The following ELMO1 variants were observed in gnomAD, a reference collection of about 807,000 sequenced individuals.
The protein encoded by ELMO1 is engulfment and cell motility protein 1.
ELMO1 carries 26 observed loss-of-function variants against 98.9 expected under a neutral mutation model. The ratio of observed to expected loss-of-function variants is 0.26; its 90% CI spans 0.19 to 0.36. The LOEUF (loss-of-function observed/expected upper bound fraction) is 0.36, where lower values mean the gene tolerates loss of function less well. Among genes scored for constraint, ELMO1 ranks in the 10% least tolerant of loss-of-function variants. ELMO1 has a pLI of 1.00. For missense variants in ELMO1, 627 were observed against 935.2 expected (o/e 0.67, Z 4.30); for synonymous variants, 346 against 346.0 (o/e 1.00, Z 0.00).
intron 3 of ELMO1, 101 bp downstream of exon 3, chr7:37,315,819 G>T: frequency 9.5e-7 from 1 of 1,056,526 alleles, no homozygotes; most frequent in Non-Finnish European, 1.4e-6. Flanking sequence ...CAAGTCAGTG[G>T]GTGACTTATG....
Position 36,980,763 on chromosome 7 carries a change from A to G in ELMO1, c.1437+32536T>C, listed in dbSNP as rs115931101. On this transcript the variant is annotated intron_variant, in intron 16 of 21. Coordinates refer to ENST00000310758, the MANE Select transcript of ELMO1 (RefSeq NM_014800.11). ...GCATCTCTGCACTCACTGAAATCCC[A>G]AATCACTAATTTCCATTCATGACTG... Among the ~76,000 whole-genome samples, 680 of 152,322 alleles carry G rather than the reference A, an allele frequency of 4.5e-3. 4 individuals carry two copies. Among genetic ancestry groups the G allele is most frequent in the African/African-American group, 0.016 (654 of 41,580 alleles).
intron 21 of ELMO1, among the ~76,000 whole-genome samples, chr7:36,859,781 C>T (rs1802471220): frequency 6.6e-6 from 1 of 152,208 alleles, no homozygotes; most frequent in African/African-American, 2.4e-5. Context: ...GGTCGTTATA[C>T]TTACAGTTGA....
chr7:36,922,768 G>C (rs1288896621), intron 16 of ELMO1, among the ~76,000 whole-genome samples: 4 of 152,126 alleles, frequency 2.6e-5, no homozygotes, highest in Non-Finnish European at 5.9e-5. Flanking sequence ...CATCGATCAA[G>C]GCCTAAGAAC....
At chr7:37,193,540 G>C (rs553932909) in intron 13 of ELMO1, among the ~76,000 whole-genome samples, 2 of 152,274 alleles carry the variant, frequency 1.3e-5, no homozygotes, top group African/African-American at 4.8e-5. Context: ...GTCACCACTC[G>C]GGGGGCTCCC....
chr7:37,367,693 AC>A (rs1201867530), intron 1 of ELMO1, among the ~76,000 whole-genome samples: 1 of 152,148 alleles, frequency 6.6e-6, no homozygotes, highest in Admixed American at 6.5e-5. Flanking sequence ...TGGGCATAAG[AC>A]CAGCCACAGT....
At chr7:37,070,539 A>G (rs1018529208) in intron 15 of ELMO1, among the ~76,000 whole-genome samples, 4 of 152,180 alleles carry the variant, frequency 2.6e-5, no homozygotes, top group Admixed American at 6.5e-5. Flanking sequence ...TTTAAGTATC[A>G]GTCTGGGATA....
chr7:36,897,325 C>CGTGT (rs11267559), intron 16 of ELMO1, among the ~76,000 whole-genome samples: 20 of 47,000 alleles, frequency 4.3e-4, no homozygotes, highest in African/African-American at 6.3e-4. Flanking sequence ...AGAAAACAGA[C>CGTGT]GTGTGTGTGT....
chr7:37,205,949 C>G (rs1792591052), intron 13 of ELMO1, among the ~76,000 whole-genome samples: 1 of 152,176 alleles, frequency 6.6e-6, no homozygotes, highest in Non-Finnish European at 1.5e-5. Context: ...CTACTTCCCT[C>G]TCTGCAACAT....
chr7:37,191,254 C>T (rs945183392), intron 13 of ELMO1, among the ~76,000 whole-genome samples: 1 of 143,272 alleles, frequency 7.0e-6, no homozygotes, highest in African/African-American at 2.6e-5. Flanking sequence ...AAAACTATAA[C>T]AATGTTTTAT....
chr7:36,922,347 CAAAAA>C (rs750588423), intron 16 of ELMO1, among the ~76,000 whole-genome samples: 1 of 85,564 alleles, frequency 1.2e-5, no homozygotes, highest in African/African-American at 4.0e-5. Context: ...CACAGACTTG[CAAAAA>C]AAAAAAAAAA....
At chr7:37,278,621 C>G (rs1484392988) in intron 4 of ELMO1, among the ~76,000 whole-genome samples, 1 of 152,192 alleles carries the variant, frequency 6.6e-6, no homozygotes, top group Non-Finnish European at 1.5e-5. Flanking sequence ...AGAGTTCCAG[C>G]CCACCCTGTG....
intron 16 of ELMO1, among the ~76,000 whole-genome samples, chr7:36,994,024 A>C (rs1251071791): frequency 2.6e-5 from 4 of 152,216 alleles, no homozygotes; most frequent in Non-Finnish European, 4.4e-5. Flanking sequence ...ACACAAAAAA[A>C]TCCCAGTGGG....
At chr7:37,028,217 C>T (rs950642377) in intron 15 of ELMO1, among the ~76,000 whole-genome samples, 1 of 152,134 alleles carries the variant, frequency 6.6e-6, no homozygotes, top group Non-Finnish European at 1.5e-5. Context: ...AGTTTGGGTA[C>T]AGAATTCCCG....
chr7:36,941,539 T>C (rs575524136), intron 16 of ELMO1, among the ~76,000 whole-genome samples: 1 of 152,236 alleles, frequency 6.6e-6, no homozygotes, highest in East Asian at 1.9e-4. Context: ...TTCTTAAACC[T>C]AGCATTTCAC....
intron 1 of ELMO1, among the ~76,000 whole-genome samples, chr7:37,396,078 A>G (rs1412695932): frequency 6.6e-6 from 1 of 152,036 alleles, no homozygotes; most frequent in Non-Finnish European, 1.5e-5. Context: ...TCATGGTAAC[A>G]TCACAAAGTG....
At chr7:36,923,657 A>G (rs1183179311) in intron 16 of ELMO1, among the ~76,000 whole-genome samples, 3 of 152,224 alleles carry the variant, frequency 2.0e-5, no homozygotes, top group African/African-American at 7.2e-5. Context: ...GATAAGGATC[A>G]TGCCTTAATC....
chr7:37,123,558 A>C (rs1001363693), intron 14 of ELMO1, among the ~76,000 whole-genome samples: 1 of 152,242 alleles, frequency 6.6e-6, no homozygotes, highest in African/African-American at 2.4e-5. Context: ...AAATTCCTCG[A>C]CACATACACC....
intron 16 of ELMO1, among the ~76,000 whole-genome samples, chr7:36,955,691 T>C (rs1562854037): frequency 6.6e-6 from 1 of 152,228 alleles, no homozygotes; most frequent in Non-Finnish European, 1.5e-5. Context: ...CACTTCTTGC[T>C]GTCCCTTGCT....
intron 13 of ELMO1, among the ~76,000 whole-genome samples, chr7:37,144,441 C>T (rs1027756863): frequency 6.6e-5 from 10 of 152,138 alleles, no homozygotes; most frequent in Non-Finnish European, 1.3e-4. Flanking sequence ...CAGCAACTCC[C>T]CCACTCCTTT....
Sources: allele counts gnomAD v4.1 joint callset (sites outside exome capture counted in the v4.1 genomes callset), GRCh38; gene constraint gnomAD v4.1.1; transcripts MANE v1.5; gene names NCBI Gene and HGNC (gene_info 2026-07-23, HGNC 2026-07-21).